TSPAN9: variants seen among roughly 807,000 people sequenced by gnomAD.
TSPAN9 encodes tetraspanin 9, also known as tetraspanin-9.
Under a neutral mutation model 31.0 loss-of-function variants are expected in TSPAN9, and 16 were observed. That is an observed-to-expected ratio of 0.52 (90% CI 0.35 to 0.78). The LOEUF (loss-of-function observed/expected upper bound fraction) is 0.78. TSPAN9 is among the 30% of genes least tolerant of loss of function. The probability of loss-of-function intolerance (pLI) is 0.01; values close to 1 mark genes in which losing one functional copy is unlikely to be tolerated. For missense variants in TSPAN9, 272 were observed against 312.5 expected, an observed-to-expected ratio of 0.87 and a Z score of 0.98; for synonymous variants, 145 against 121.6, an observed-to-expected ratio of 1.19 and a Z score of -1.27.
Position 3,187,782 on chromosome 12 carries a change from A to G in TSPAN9, c.-17-13395A>G, listed in dbSNP as rs10848820. ...TCTGTTTGGATGCCATGCAAGCCCA[A>G]CACGTACCCCTTCTCCAAGAAGCCC... On this transcript the variant is annotated intron_variant, in intron 2 of 8. Transcript: ENST00000011898. The surrounding 1 kb of genome is among the most constrained non-coding windows in gnomAD (Gnocchi z 5.2). 0.97 allele frequency among the ~76,000 whole-genome samples: 147,777 copies of G among 152,112 alleles called. 71,887 individuals are homozygous for G. Among genetic ancestry groups the G allele is most frequent in the East Asian group, 1 (5,137 of 5,138 alleles).
At chr12:3,108,974 T>TC (rs2098316166) in intron 2 of TSPAN9, among the ~76,000 whole-genome samples, 4 of 151,914 alleles carry the variant, frequency 2.6e-5, no homozygotes, top group Non-Finnish European at 4.4e-5. Context: ...GTCTCGCTCT[T>TC]GCCCAGGCTG....
chr12:3,085,906 G>C (rs925919081), intron 2 of TSPAN9, among the ~76,000 whole-genome samples: 2 of 152,214 alleles, frequency 1.3e-5, no homozygotes, highest in African/African-American at 2.4e-5. Flanking sequence ...GAGCGGACTG[G>C]GGGTGGAAGT....
intron 2 of TSPAN9, among the ~76,000 whole-genome samples, chr12:3,116,236 A>T (rs1272203553): frequency 6.6e-6 from 1 of 152,226 alleles, no homozygotes; most frequent in African/African-American, 2.4e-5. Flanking sequence ...TGCATAGCAG[A>T]TCAGGATGCA....
chr12:3,110,558 T>G (rs1015176404), intron 2 of TSPAN9, among the ~76,000 whole-genome samples: 1 of 152,178 alleles, frequency 6.6e-6, no homozygotes, highest in Non-Finnish European at 1.5e-5. Context: ...TTTTCAGCCT[T>G]GTGGGAAAGG....
Position 3,283,109 on chromosome 12 carries a change from AC to A in TSPAN9, c.714del (p.Asp238GlufsTer22), listed in dbSNP as rs757943493. On this transcript the variant is annotated frameshift_variant, in exon 9 of 9. Transcript: ENST00000011898. LOFTEE classifies it high-confidence loss of function. ...QHIHRTGKKY[D>X]A ...ATCCACCGGACTGGTAAGAAGTACG[AC>A]GCATGAGCGGGCTGGCCGGGAGTGC... is the stretch of plus-strand genomic sequence containing the variant. 5 of 1,608,576 alleles carry A rather than the reference AC, an allele frequency of 3.1e-6. No homozygotes were observed. In the Admixed American group the frequency reaches 8.3e-5, roughly 27 times the overall value.
intron 2 of TSPAN9, among the ~76,000 whole-genome samples, chr12:3,189,222 C>T (rs1019119755): frequency 1.3e-5 from 2 of 152,026 alleles, no homozygotes; most frequent in African/African-American, 4.8e-5. Context: ...ATGGGGGAGG[C>T]TTCGGAGGTG....
intron 7 of TSPAN9, 81 bp downstream of exon 7, chr12:3,281,410 G>T: frequency 6.8e-7 from 1 of 1,464,166 alleles, no homozygotes; most frequent in Non-Finnish European, 9.0e-7. Flanking sequence ...GGGGAGGCTG[G>T]GCCCGGGACA....
intron 3 of TSPAN9, among the ~76,000 whole-genome samples, chr12:3,225,794 C>G (rs1024367758): frequency 4.0e-5 from 6 of 151,842 alleles, no homozygotes; most frequent in African/African-American, 9.7e-5. Flanking sequence ...TGACTAGGGC[C>G]CATCTTTACC....
chr12:3,241,664 C>A (rs2098396638), intron 3 of TSPAN9, among the ~76,000 whole-genome samples: 1 of 152,212 alleles, frequency 6.6e-6, no homozygotes, highest in Non-Finnish European at 1.5e-5. Flanking sequence ...GCCCTTATCC[C>A]AGTCATGGTC....
intron 2 of TSPAN9, among the ~76,000 whole-genome samples, chr12:3,163,672 A>G (rs1475017789): frequency 6.6e-6 from 1 of 152,154 alleles, no homozygotes; most frequent in African/African-American, 2.4e-5. Context: ...TTTACGAGAG[A>G]CAGATGTCAG....
At chr12:3,239,825 G>A (rs1223462324) in intron 3 of TSPAN9, among the ~76,000 whole-genome samples, 1 of 152,106 alleles carries the variant, frequency 6.6e-6, no homozygotes, top group Non-Finnish European at 1.5e-5. Context: ...TGGGGAATAA[G>A]GAAGGAGCTG....
chr12:3,249,605 A>G (rs765897655), intron 3 of TSPAN9, among the ~76,000 whole-genome samples: 10 of 152,178 alleles, frequency 6.6e-5, no homozygotes, highest in Non-Finnish European at 1.0e-4. Flanking sequence ...TGACTTGTCC[A>G]CAAGGTCGGA....
At chr12:3,223,439 TC>T (rs755326012) in intron 3 of TSPAN9, among the ~76,000 whole-genome samples, 3 of 152,206 alleles carry the variant, frequency 2.0e-5, no homozygotes, top group Non-Finnish European at 4.4e-5. Flanking sequence ...CCTCGTTTGT[TC>T]CAGAGCCTGT....
chr12:3,148,245 A>T (rs558941991), intron 2 of TSPAN9, among the ~76,000 whole-genome samples: 1 of 152,238 alleles, frequency 6.6e-6, no homozygotes, highest in Admixed American at 6.5e-5. Context: ...CCAGAATCTG[A>T]GAACTACCCT....
At chr12:3,105,113 G>C (rs779735415) in intron 2 of TSPAN9, among the ~76,000 whole-genome samples, 1 of 152,224 alleles carries the variant, frequency 6.6e-6, no homozygotes. Context: ...CCCCGTCTGC[G>C]CACAGCAGCC....
intron 3 of TSPAN9, among the ~76,000 whole-genome samples, chr12:3,240,613 G>A (rs1342477800): frequency 1.3e-5 from 2 of 152,162 alleles, no homozygotes; most frequent in African/African-American, 4.8e-5. Context: ...TACTACCTCT[G>A]GGGGTGTTAA....
chr12:3,157,479 G>A (rs1434444222), intron 2 of TSPAN9, among the ~76,000 whole-genome samples: 3 of 152,190 alleles, frequency 2.0e-5, no homozygotes, highest in Non-Finnish European at 2.9e-5. Flanking sequence ...TGACCTTGAC[G>A]AACCTCATTA....
intron 3 of TSPAN9, among the ~76,000 whole-genome samples, chr12:3,267,224 G>A (rs1862553181): frequency 6.6e-6 from 1 of 152,200 alleles, no homozygotes; most frequent in African/African-American, 2.4e-5. Flanking sequence ...GCCAGAAGAT[G>A]GTATCCTTGT....
intron 3 of TSPAN9, among the ~76,000 whole-genome samples, chr12:3,226,813 T>C (rs2098388094): frequency 9.0e-6 from 1 of 111,112 alleles, no homozygotes; most frequent in Non-Finnish European, 1.8e-5. Context: ...TTTTTTTCCC[T>C]CTTCGAACTC....
Sources: gnomAD v4.1 joint callset for allele counts (sites outside exome capture counted in the v4.1 genomes callset) on GRCh38, gnomAD v4.1.1 for gene constraint, Gnocchi (gnomAD v3.1) non-coding constraint, MANE v1.5 for transcripts, NCBI Gene and HGNC (gene_info 2026-07-23, HGNC 2026-07-21) for gene names.